Variants in ANK3 observed in about 807,000 individuals in gnomAD.
The protein encoded by ANK3 is ankyrin-3.
ANK3 carries 57 observed loss-of-function variants against 370.9 expected under a neutral mutation model. The observed-to-expected ratio is 0.15, with a 90% CI of 0.12 to 0.19. The LOEUF (loss-of-function observed/expected upper bound fraction) is 0.19. Ranked by LOEUF, ANK3 falls within the 10% of genes least tolerant of loss-of-function variation. The pLI is 1.00. For synonymous variants in ANK3, 1,929 were observed against 1,946.3 expected, an observed-to-expected ratio of 0.99 and a Z score of 0.23; for missense variants, 4,439 against 5,302.1, an observed-to-expected ratio of 0.84 and a Z score of 5.06.
intron 1 of ANK3, among the ~76,000 whole-genome samples, chr10:60,372,581 TG>T (rs1332683659): frequency 6.6e-6 from 1 of 152,246 alleles, no homozygotes; most frequent in East Asian, 1.9e-4. Context: ...TGTTCAGCAA[TG>T]GGGGCTATGT....
chr10:60,061,130 C>T (rs1322666587), intron 40 of ANK3, among the ~76,000 whole-genome samples: 1 of 152,168 alleles, frequency 6.6e-6, no homozygotes, highest in Non-Finnish European at 1.5e-5. Flanking sequence ...CAGGTAAATA[C>T]CAACTTAGCT....
intron 1 of ANK3, among the ~76,000 whole-genome samples, chr10:60,632,126 G>T (rs2078492172): frequency 6.6e-6 from 1 of 152,016 alleles, no homozygotes; most frequent in Admixed American, 6.6e-5. Context: ...TTCAAACCCT[G>T]TATCTACAAA....
chr10:60,250,759 C>A (rs2097650609), intron 7 of ANK3, among the ~76,000 whole-genome samples: 1 of 152,196 alleles, frequency 6.6e-6, no homozygotes, highest in African/African-American at 2.4e-5. Flanking sequence ...ATGCTTTTGT[C>A]ATAAGATCAT....
rs775893389 is a variant in ANK3 at position 60,166,879 on chromosome 10, G to T, written c.2496C>A (p.His832Gln). 4.3e-6 allele frequency: 7 copies of T among 1,613,852 alleles called. No homozygotes were observed. The highest frequency in any genetic ancestry group is 5.9e-6 in the Non-Finnish European group (7 of 1,179,900). The change falls in exon 22 of 44, where the codon CAC (histidine) becomes CAA (glutamine). Residue 832 changes from histidine (H) to glutamine (Q), a missense_variant. His to Gln is a conservative substitution (Grantham distance 24). Transcript: ENST00000280772. ...TMTTTTVTEKHKMNVPETMNE... is the reference protein window; with the variant it reads ...TMTTTTVTEKQKMNVPETMNE... ...TCATCGTTTCTGGAACATTCATTTT[G>T]TGCTTCTCTGTGACAGTCTAGTAAC...
chr10:60,279,176 C>T (rs1245915497), intron 2 of ANK3, 28 bp from the exon 3 acceptor site: 10 of 1,600,760 alleles, frequency 6.2e-6, no homozygotes, highest in Admixed American at 1.7e-5. Context: ...AAAAGCTCTA[C>T]TCAGCAGGTT....
At chr10:60,423,864 C>T (rs1266303343) in intron 2 of ANK3, among the ~76,000 whole-genome samples, 4 of 152,034 alleles carry the variant, frequency 2.6e-5, no homozygotes, top group South Asian at 2.1e-4. Flanking sequence ...TGCCACAGCA[C>T]GCTGGTTGCA....
chr10:60,562,354 T>C (rs1232433384), intron 2 of ANK3, among the ~76,000 whole-genome samples: 3 of 152,058 alleles, frequency 2.0e-5, no homozygotes, highest in African/African-American at 7.2e-5. Context: ...AAAGCTAGTA[T>C]ATTAATGGCA....
At chr10:60,494,569 T>A (rs2075604848) in intron 2 of ANK3, among the ~76,000 whole-genome samples, 1 of 152,184 alleles carries the variant, frequency 6.6e-6, no homozygotes, top group Non-Finnish European at 1.5e-5. Flanking sequence ...ATGCTTGACA[T>A]ATAGTTTGCG....
chr10:60,244,189 C>G (rs916535667), intron 7 of ANK3, among the ~76,000 whole-genome samples: 1 of 152,124 alleles, frequency 6.6e-6, no homozygotes, highest in Admixed American at 6.5e-5. Context: ...AAAGTGAAAT[C>G]AGGGCCATTT....
At chr10:60,260,755 A>T (rs538476164) in intron 7 of ANK3, among the ~76,000 whole-genome samples, 1 of 152,202 alleles carries the variant, frequency 6.6e-6, no homozygotes, top group South Asian at 2.1e-4. Flanking sequence ...TGCTCTGGCC[A>T]TGTGATGTGC....
At chr10:60,647,440 A>G (rs1284978785) in intron 1 of ANK3, among the ~76,000 whole-genome samples, 2 of 152,198 alleles carry the variant, frequency 1.3e-5, no homozygotes, top group African/African-American at 4.8e-5. Flanking sequence ...TTTCTTTGAC[A>G]GGTTTTTTAG....
At position 60,139,028 on chromosome 10, in the gene ANK3, A is replaced by G. The variant is rs61732401; in HGVS notation, c.2674T>C (p.Leu892=). The part of the protein sequence containing the change: ...KYLGPQDLKE[L]GDDSLPAEGY... ...TCTGCAGGCAGGGAATCATCACCCA[A>G]TTCCTTAAGGTCCTGTGGCCCAAGA... Residue 892 remains leucine (L), a synonymous_variant, in exon 24 of 44, where the codon TTG becomes CTG. Coordinates refer to ENST00000280772, the MANE Select transcript of ANK3 (RefSeq NM_020987.5). 5.1e-4 allele frequency: 823 copies of G among 1,613,798 alleles called. 4 individuals carry two copies. The African/African-American group carries it at 8.2e-3, about 16-fold the overall frequency.
Position 60,075,002 on chromosome 10 carries a change from T to C in ANK3, c.5879A>G (p.Glu1960Gly). The C allele has an allele frequency of 6.2e-7, 1 of 1,614,038 alleles. No homozygotes were observed. Among genetic ancestry groups the C allele is most frequent in the Non-Finnish European group, 8.5e-7 (1 of 1,180,002 alleles). Residue 1960 changes from glutamate (E) to glycine (G), a missense_variant, in exon 37 of 44, where the codon GAA becomes GGA. Transcript: ENST00000280772. ...KVKEDLVKVS[E>G]ILKKDVCVDN... Reference sequence around the variant, plus strand: ...TACACATACATCCTTTTTAAGGATTTCACTAACTTTCACTAAGTCTTCCTT... The same window carrying C: ...TACACATACATCCTTTTTAAGGATTCCACTAACTTTCACTAAGTCTTCCTT...
At chr10:60,652,867 T>C (rs1377894368) in intron 1 of ANK3, among the ~76,000 whole-genome samples, 1 of 152,150 alleles carries the variant, frequency 6.6e-6, no homozygotes, top group East Asian at 1.9e-4. Context: ...AGAGACCAGA[T>C]AGGAGGTGGA....
intron 2 of ANK3, among the ~76,000 whole-genome samples, chr10:60,463,073 T>C (rs1239821738): frequency 1.3e-5 from 2 of 151,982 alleles, no homozygotes; most frequent in African/African-American, 4.8e-5. Context: ...TCAACTAATT[T>C]TTGTATTTTT....
At chr10:60,563,069 T>C (rs1194361777) in intron 2 of ANK3, among the ~76,000 whole-genome samples, 1 of 152,180 alleles carries the variant, frequency 6.6e-6, no homozygotes, top group Non-Finnish European at 1.5e-5. Context: ...AGAATAGTAA[T>C]CAGGACTCTT....
intron 1 of ANK3, among the ~76,000 whole-genome samples, chr10:60,298,083 T>C (rs964484897): frequency 4.6e-5 from 7 of 152,160 alleles, no homozygotes; most frequent in Non-Finnish European, 8.8e-5. Context: ...GGATTTAAAA[T>C]TAATGCACAT....
chr10:60,190,287 G>T (rs1257339890), intron 16 of ANK3, among the ~76,000 whole-genome samples: 1 of 152,206 alleles, frequency 6.6e-6, no homozygotes, highest in African/African-American at 2.4e-5. Flanking sequence ...TCACATCCAT[G>T]TGGTAATCAT....
chr10:60,354,489 T>A (rs1289722265), intron 1 of ANK3, among the ~76,000 whole-genome samples: 2 of 152,210 alleles, frequency 1.3e-5, no homozygotes, highest in Non-Finnish European at 2.9e-5. Flanking sequence ...TCAAACTCAA[T>A]AGAATACTGA....
Sources: gnomAD v4.1 joint callset for allele counts (sites outside exome capture counted in the v4.1 genomes callset) on GRCh38, gnomAD v4.1.1 for gene constraint, MANE v1.5 for transcripts, NCBI Gene and HGNC (gene_info 2026-07-23, HGNC 2026-07-21) for gene names.